TLE3: variants seen among roughly 807,000 people sequenced by gnomAD.
The protein encoded by TLE3 is transducin-like enhancer protein 3.
In TLE3, 14 loss-of-function variants were observed where a neutral mutation model predicts 93.0. That is an observed-to-expected ratio of 0.15 (90% CI 0.10 to 0.24). The LOEUF is 0.24. Among genes scored for constraint, TLE3 ranks in the 10% least tolerant of loss-of-function variants. The pLI, the probability that TLE3 is intolerant of heterozygous loss-of-function variation, is 1.00. For missense variants in TLE3, 693 were observed against 1,046.6 expected (o/e 0.66, Z 4.66); for synonymous variants, 451 against 425.0 (o/e 1.06, Z -0.75).
intron 3 of TLE3, among the ~76,000 whole-genome samples, chr15:70,095,052 G>A (rs2058484481): frequency 6.6e-6 from 1 of 152,184 alleles, no homozygotes; most frequent in African/African-American, 2.4e-5. Flanking sequence ...ATACCCAGCT[G>A]GGGGATCCCT....
At chr15:70,059,387 C>T (rs746964353) in intron 10 of TLE3, 23 bp downstream of exon 10, 10 of 1,604,190 alleles carry the variant, frequency 6.2e-6, no homozygotes, top group Non-Finnish European at 8.5e-6. Flanking sequence ...CAAGAGCCCC[C>T]TTGCGACCGG....
rs1167044848 is a variant in TLE3, at chr15:70,058,126, A to G, written c.1051+33T>C. 6.2e-7 allele frequency: 1 copy of G among 1,613,532 alleles called. No individual in the cohort carries two copies. Among genetic ancestry groups the G allele is most frequent in the Non-Finnish European group, 8.5e-7 (1 of 1,179,696 alleles). On this transcript the variant is annotated intron_variant, in intron 12 of 19. Transcript: ENST00000451782. The surrounding 1 kb of genome is among the most constrained non-coding windows in gnomAD (Gnocchi z 4.1). ...GAGCAGACCCCCTCCCCCCAATCAG[A>G]TTAACCCAGCCCATGGTGCCTACCC...
chr15:70,096,814 T>C lies in TLE3; in HGVS notation c.-16A>G. 1.2e-6 allele frequency: 2 copies of C among 1,608,062 alleles called. No homozygotes were observed. Among genetic ancestry groups the C allele is most frequent in the Non-Finnish European group, 1.7e-6 (2 of 1,177,892 alleles). The stretch of plus-strand genomic sequence containing the variant: ...GCGGATACATGGCAGGGAGGGGTCG[T>C]GATTCCGAGAGCGTGGAAGCGCCGA... On this transcript the variant is annotated 5_prime_UTR_variant, in exon 1 of 20. Coordinates refer to ENST00000451782, the MANE Select transcript of TLE3 (RefSeq NM_001105192.3).
rs2058531751 is a variant in TLE3, at chr15:70,095,891, G to A, written c.126-250C>T. ...AGCAGGGGAGTAGGACCCTGACGCT[G>A]GCTCCCGACACCCAGAACCCGGAGT... On this transcript the variant is annotated intron_variant, in intron 2 of 19. Transcript: ENST00000451782. 4 of 622,662 alleles carry A rather than the reference G, an allele frequency of 6.4e-6. No homozygotes were observed. The Admixed American group carries it at 1.2e-4, about 19-fold the overall frequency. 38.6% of individuals were successfully genotyped at this position (622,662 alleles called of 1,614,324 possible). A position where few individuals can be genotyped will look rare whatever the true frequency, so the allele number is the denominator to read the frequency against.
At chr15:70,079,371 C>T (rs766540155) in intron 4 of TLE3, 3 of 498,236 alleles carry the variant, frequency 6.0e-6, no homozygotes, top group Non-Finnish European at 1.2e-5. Context: ...AGGGTTGAGG[C>T]AGGCAGAGGG....
chr15:70,071,474 A>G (rs1226714644), intron 6 of TLE3, among the ~76,000 whole-genome samples: 1 of 151,702 alleles, frequency 6.6e-6, no homozygotes, highest in African/African-American at 2.4e-5. Context: ...AGGAAGGAAG[A>G]CCCCAGGAAT....
At chr15:70,060,407 CA>C in intron 9 of TLE3, 122 bp downstream of exon 9, 1 of 1,341,902 alleles carries the variant, frequency 7.5e-7, no homozygotes, top group Non-Finnish European at 1.0e-6. Context: ...CCCCTATCGC[CA>C]ACCTGTGCTT....
intron 7 of TLE3, 31 bp downstream of exon 7, chr15:70,065,983 C>A: frequency 3.4e-6 from 5 of 1,466,174 alleles, no homozygotes; most frequent in Non-Finnish European, 4.8e-6. Flanking sequence ...ACCCCTGCCC[C>A]GCCCCACCCT....
chr15:70,084,733 C>T (rs755350807), intron 4 of TLE3, among the ~76,000 whole-genome samples: 3 of 152,256 alleles, frequency 2.0e-5, no homozygotes, highest in Non-Finnish European at 4.4e-5. Context: ...CCCACGGTGC[C>T]TACACTGCAG....
chr15:70,078,091 C>G (rs117353437), intron 4 of TLE3, among the ~76,000 whole-genome samples: 10,777 of 152,242 alleles, frequency 0.071, 551 homozygotes, highest in Non-Finnish European at 0.11. Flanking sequence ...ACTAGACACC[C>G]GTCATTCATA....
chr15:70,095,853 G>A (rs2058529167), intron 2 of TLE3: 1 of 653,114 alleles, frequency 1.5e-6, no homozygotes, highest in Non-Finnish European at 2.6e-6. Flanking sequence ...CGAGCCAAAG[G>A]ACTTATCACG....
In TLE3 at chr15:70,058,876, G is replaced by A; in HGVS notation, c.766-61C>T. Reference sequence around the variant, plus strand: ...CAACAGCCAGCCTCGAGGCTTCCCTGCTCTGGGAGTGGGAAGAGAGAGGGC... The same window carrying A: ...CAACAGCCAGCCTCGAGGCTTCCCTACTCTGGGAGTGGGAAGAGAGAGGGC... On this transcript the variant is annotated intron_variant, in intron 10 of 19. Coordinates refer to ENST00000451782, the MANE Select transcript of TLE3 (RefSeq NM_001105192.3). The surrounding 1 kb of genome is among the most constrained non-coding windows in gnomAD (Gnocchi z 4.1). 6.8e-7 allele frequency: 1 copy of A among 1,478,610 alleles called. No homozygotes were observed. Among genetic ancestry groups the A allele is most frequent in the Non-Finnish European group, 9.0e-7 (1 of 1,117,098 alleles). The allele number at this position is 1,478,610 out of a possible 1,614,324, so 91.6% of individuals were successfully genotyped here. A position where few individuals can be genotyped will look rare whatever the true frequency, so the allele number is the denominator to read the frequency against.
Position 70,049,948 on chromosome 15 carries a change from T to A in TLE3, c.*149A>T. 1 of 635,972 alleles carries A rather than the reference T, an allele frequency of 1.6e-6. No individual in the cohort carries two copies. Among genetic ancestry groups the A allele is most frequent in the Non-Finnish European group, 2.8e-6 (1 of 356,784 alleles). 39.4% of individuals were successfully genotyped at this position (635,972 alleles called of 1,614,324 possible). ...GGAGTCCAGACTGTGACGGGGCACG[T>A]GCCCTCTCAGCCGGCCGGAGCGCAG... On this transcript the variant is annotated 3_prime_UTR_variant, in exon 20 of 20. Transcript: ENST00000451782.
At chr15:70,094,504 T>C (rs763954163) in intron 4 of TLE3, 28 bp downstream of exon 4, 2 of 1,510,466 alleles carry the variant, frequency 1.3e-6, no homozygotes, top group Admixed American at 4.6e-5. Context: ...AAAAATGAAA[T>C]ATATTTTTAA....
Position 70,049,698 on chromosome 15 carries a change from CA to C in TLE3, c.*398del, listed in dbSNP as rs2055353903. The C allele has an allele frequency of 1.1e-5, 2 of 181,028 alleles. No individual in the cohort carries two copies. Among genetic ancestry groups the C allele is most frequent in the Admixed American group, 1.1e-4 (2 of 18,432 alleles). 11.2% of individuals were successfully genotyped at this position (181,028 alleles called of 1,614,324 possible). Reference sequence around the variant, plus strand: ...CACAATCGGCAAAGAGAGACCCCCCCATCCCCCAGCACAACATTGTGGTCCA... The same window carrying C: ...CACAATCGGCAAAGAGAGACCCCCCCTCCCCCAGCACAACATTGTGGTCCA... On this transcript the variant is annotated 3_prime_UTR_variant, in exon 20 of 20. Transcript: ENST00000451782.
intron 7 of TLE3, 75 bp downstream of exon 7, chr15:70,065,939 C>G (rs758849007): frequency 2.1e-6 from 3 of 1,444,958 alleles, no homozygotes; most frequent in Non-Finnish European, 2.9e-6. Flanking sequence ...CTTGCTGGGT[C>G]CACTCACTGT....
In TLE3 at chr15:70,048,381, C is replaced by T. The variant is rs1019351621; in HGVS notation, c.*1716G>A. On this transcript the variant is annotated 3_prime_UTR_variant, in exon 20 of 20. Transcript: ENST00000451782. ...AGAGACTCTGGACGCCCCACGCGCCCAGCCTTGGAGAGGCACAGGGTGTGT... is the reference window on the plus strand; with the variant it reads ...AGAGACTCTGGACGCCCCACGCGCCTAGCCTTGGAGAGGCACAGGGTGTGT... 2 of 152,196 alleles carry T rather than the reference C, an allele frequency of 1.3e-5. No homozygotes were observed. Among genetic ancestry groups the T allele is most frequent in the African/African-American group, 2.4e-5 (1 of 41,442 alleles). 9.4% of individuals were successfully genotyped at this position (152,196 alleles called of 1,614,324 possible).
intron 4 of TLE3, among the ~76,000 whole-genome samples, chr15:70,086,143 G>A (rs1337405463): frequency 7.2e-5 from 11 of 152,122 alleles, no homozygotes; most frequent in Non-Finnish European, 1.3e-4. Flanking sequence ...AGCCCTCTGA[G>A]TGTCCTACTT....
chr15:70,096,881 C>T lies in TLE3; in HGVS notation c.-83G>A. The T allele has an allele frequency of 1.3e-6, 2 of 1,513,156 alleles. No homozygotes were observed. Among genetic ancestry groups the T allele is most frequent in the East Asian group, 2.4e-5 (1 of 42,180 alleles). The allele number at this position is 1,513,156 out of a possible 1,614,324, so 93.7% of individuals were successfully genotyped here. ...GGTGCGGGGGAGGGGGGAGCCGAGC[C>T]CGAGCGGGGGGCGGCCGGGAAACCG... On this transcript the variant is annotated 5_prime_UTR_variant, in exon 1 of 20. Coordinates refer to ENST00000451782, the MANE Select transcript of TLE3 (RefSeq NM_001105192.3).
Sources: allele counts gnomAD v4.1 joint callset (sites outside exome capture counted in the v4.1 genomes callset), GRCh38; gene constraint gnomAD v4.1.1; non-coding constraint Gnocchi (gnomAD v3.1); transcripts MANE v1.5; gene names NCBI Gene and HGNC (gene_info 2026-07-23, HGNC 2026-07-21).